The following LINGO2 variants were observed in gnomAD, a reference collection of about 807,000 sequenced individuals.
LINGO2 encodes leucine-rich repeat and immunoglobulin-like domain-containing nogo receptor-interacting protein 2.
In LINGO2, 14 loss-of-function variants were observed where a neutral mutation model predicts 30.6. The observed-to-expected ratio is 0.46, with a 90% CI of 0.30 to 0.72. The LOEUF is 0.72. Ranked by LOEUF, LINGO2 falls within the 30% of genes least tolerant of loss-of-function variation. LINGO2 has a pLI of 0.07. For missense variants in LINGO2, 729 were observed against 751.7 expected, an observed-to-expected ratio of 0.97 and a Z score of 0.35; for synonymous variants, 317 against 288.5, an observed-to-expected ratio of 1.10 and a Z score of -1.00.
intron 4 of LINGO2, among the ~76,000 whole-genome samples, chr9:28,218,986 A>C (rs555199701): frequency 1.3e-5 from 2 of 152,286 alleles, no homozygotes; most frequent in East Asian, 3.9e-4. Flanking sequence ...ACTTGTCTTC[A>C]CTAGTGACCA....
the LINGO2 span, among the ~76,000 whole-genome samples, chr9:28,887,549 T>G: frequency 5.3e-5 from 8 of 152,194 alleles, no homozygotes; most frequent in Admixed American, 4.6e-4. Context: ...TATGCCACCT[T>G]ATTGCATTCT....
At chr9:29,032,078 G>A in the LINGO2 span, among the ~76,000 whole-genome samples, 1 of 152,078 alleles carries the variant, frequency 6.6e-6, no homozygotes, top group Non-Finnish European at 1.5e-5. Flanking sequence ...AACAGCAAAA[G>A]GGAAACTTGT....
chr9:28,361,906 T>C (rs1453856813), intron 3 of LINGO2, among the ~76,000 whole-genome samples: 2 of 152,176 alleles, frequency 1.3e-5, no homozygotes, highest in Admixed American at 1.3e-4. Flanking sequence ...GGTTGAGTGA[T>C]TTTCTAAGGT....
chr9:28,255,909 T>C (rs542939415), intron 4 of LINGO2, among the ~76,000 whole-genome samples: 1 of 152,222 alleles, frequency 6.6e-6, no homozygotes, highest in East Asian at 1.9e-4. Flanking sequence ...ACTTATTATG[T>C]ATGTCACAAA....
At chr9:29,026,022 T>C in the LINGO2 span, among the ~76,000 whole-genome samples, 56 of 152,212 alleles carry the variant, frequency 3.7e-4, no homozygotes, top group Admixed American at 3.6e-3. Flanking sequence ...ATTTATATTA[T>C]TGCTTTTCTT....
At chr9:28,947,192 G>A in the LINGO2 span, among the ~76,000 whole-genome samples, 24,279 of 151,630 alleles carry the variant, frequency 0.16, 1,968 homozygotes, top group South Asian at 0.2. Context: ...TATAGATATA[G>A]ATATAGAAGC....
chr9:28,795,994 AC>A, the LINGO2 span, among the ~76,000 whole-genome samples: 1 of 150,910 alleles, frequency 6.6e-6, no homozygotes, highest in African/African-American at 2.4e-5. Flanking sequence ...ACACACACAC[AC>A]ACACACACAC....
chr9:28,311,919 G>A (rs897971927), intron 3 of LINGO2, among the ~76,000 whole-genome samples: 1 of 152,088 alleles, frequency 6.6e-6, no homozygotes, highest in Non-Finnish European at 1.5e-5. Flanking sequence ...TATATTCAGA[G>A]ACTGCAGTAA....
intron 4 of LINGO2, among the ~76,000 whole-genome samples, chr9:28,092,850 T>C (rs1156821433): frequency 3.9e-5 from 6 of 152,034 alleles, no homozygotes; most frequent in Admixed American, 6.6e-5. Context: ...TTTTATGACA[T>C]AGTATTATAA....
At chr9:28,059,342 A>AC in intron 4 of LINGO2, among the ~76,000 whole-genome samples, 1 of 152,004 alleles carries the variant, frequency 6.6e-6, no homozygotes, top group Non-Finnish European at 1.5e-5. Flanking sequence ...CAACCTCCAT[A>AC]CACTAGTGAT....
chr9:28,959,612 T>TCACACACA, the LINGO2 span, among the ~76,000 whole-genome samples: 103 of 132,216 alleles, frequency 7.8e-4, no homozygotes, highest in South Asian at 4.8e-3. Flanking sequence ...TCTCTCTCCC[T>TCACACACA]CACACACACA....
At chr9:28,369,325 G>A (rs1820809275) in intron 3 of LINGO2, among the ~76,000 whole-genome samples, 1 of 151,970 alleles carries the variant, frequency 6.6e-6, no homozygotes, top group Non-Finnish European at 1.5e-5. Context: ...TTTGTCCTTG[G>A]GGGGTTATGC....
chr9:28,562,667 T>A (rs545851250), intron 1 of LINGO2, among the ~76,000 whole-genome samples: 153 of 152,088 alleles, frequency 1.0e-3, no homozygotes, highest in Admixed American at 5.8e-3. Context: ...GGTGAGCCTC[T>A]TTCTGATGTT....
chr9:28,816,495 T>C, the LINGO2 span, among the ~76,000 whole-genome samples: 2 of 152,206 alleles, frequency 1.3e-5, no homozygotes, highest in Non-Finnish European at 2.9e-5. Flanking sequence ...GAGACCCAGC[T>C]TACAATTGGA....
the LINGO2 span, among the ~76,000 whole-genome samples, chr9:29,076,017 C>T: frequency 1.3e-5 from 2 of 151,236 alleles, no homozygotes; most frequent in Admixed American, 6.6e-5. Context: ...CCTCTCTGTG[C>T]ACCACCACAT....
intron 1 of LINGO2, among the ~76,000 whole-genome samples, chr9:28,556,850 A>G (rs1822729974): frequency 6.6e-6 from 1 of 152,144 alleles, no homozygotes; most frequent in South Asian, 2.1e-4. Flanking sequence ...CTGCATATCT[A>G]CAACTATCTG....
chr9:28,047,705 T>C (rs1356771851), intron 4 of LINGO2, among the ~76,000 whole-genome samples: 1 of 150,848 alleles, frequency 6.6e-6, no homozygotes, highest in Non-Finnish European at 1.5e-5. Context: ...ATTAGCACAA[T>C]GTCGGGTGCA....
chr9:29,111,818 AAG>A, the LINGO2 span, among the ~76,000 whole-genome samples: 3,832 of 117,656 alleles, frequency 0.033, 160 homozygotes, highest in African/African-American at 0.12. Context: ...TTCAGATTTA[AAG>A]ATATATATAT....
At chr9:28,337,247 A>T (rs966916173) in intron 3 of LINGO2, among the ~76,000 whole-genome samples, 2 of 151,482 alleles carry the variant, frequency 1.3e-5, no homozygotes, top group African/African-American at 4.8e-5. Context: ...TATTATTTAA[A>T]GGTAATTGCT....
Sources: gnomAD v4.1 joint callset for allele counts (sites outside exome capture counted in the v4.1 genomes callset) on GRCh38, gnomAD v4.1.1 for gene constraint, MANE v1.5 for transcripts, NCBI Gene and HGNC (gene_info 2026-07-23, HGNC 2026-07-21) for gene names.